LITAF: variants seen among roughly 807,000 people sequenced by gnomAD.
LITAF encodes lipopolysaccharide-induced tumor necrosis factor-alpha factor.
In LITAF, 9 loss-of-function variants were observed where a neutral mutation model predicts 14.5. The observed-to-expected ratio is 0.62, with a 90% CI of 0.37 to 1.08. The LOEUF (loss-of-function observed/expected upper bound fraction) is 1.08, where lower values mean the gene tolerates loss of function less well. Ranked by LOEUF, LITAF falls within the 50% of genes least tolerant of loss-of-function variation. The probability of loss-of-function intolerance (pLI) is 0.01; values close to 1 mark genes in which losing one functional copy is unlikely to be tolerated. For synonymous variants in LITAF, 98 were observed against 88.2 expected (o/e 1.11, Z -0.62); for missense variants, 206 against 213.4 (o/e 0.97, Z 0.22).
rs535161391 is a variant in LITAF at position 11,632,762 on chromosome 16, A to T, written c.85+771T>A. ...AGCGCAGAGTCCAGCCCCCATGCAC[A>T]TGACTATGTGGTGCCCTCAGCCCCC... On this transcript the variant is annotated intron_variant, in intron 3 of 3. Coordinates refer to the LITAF transcript ENST00000574848. The surrounding 1 kb of genome is among the most constrained non-coding windows in gnomAD (Gnocchi z 4.8). Among the ~76,000 whole-genome samples, 1 of 152,158 alleles carries T rather than the reference A, an allele frequency of 6.6e-6. No individual in the cohort carries two copies. Among genetic ancestry groups the T allele is most frequent in the Non-Finnish European group, 1.5e-5 (1 of 68,024 alleles).
chr16:11,583,897 C>G (rs1039977351), intron 1 of LITAF, among the ~76,000 whole-genome samples: 1 of 152,210 alleles, frequency 6.6e-6, no homozygotes, highest in African/African-American at 2.4e-5. Flanking sequence ...TGTGTCCATG[C>G]CTTAAGCTCT....
At chr16:11,603,596 T>A (rs745788812) in intron 3 of LITAF, among the ~76,000 whole-genome samples, 2 of 152,010 alleles carry the variant, frequency 1.3e-5, no homozygotes, top group Non-Finnish European at 2.9e-5. Context: ...CCTGGCAAGG[T>A]TTCCTAGCAG....
chr16:11,607,214 C>G (rs2064959342), intron 3 of LITAF, among the ~76,000 whole-genome samples: 1 of 152,192 alleles, frequency 6.6e-6, no homozygotes, highest in Admixed American at 6.5e-5. Flanking sequence ...GTATAGCTGC[C>G]TTGCCAAGCT....
chr16:11,608,781 G>A (rs927941547), intron 3 of LITAF, among the ~76,000 whole-genome samples: 1 of 152,100 alleles, frequency 6.6e-6, no homozygotes, highest in East Asian at 1.9e-4. Context: ...TGGCCAACAT[G>A]GTGAAACCCT....
upstream of LITAF, among the ~76,000 whole-genome samples, chr16:11,638,070 A>C (rs12445616): frequency 4.1e-4 from 49 of 119,096 alleles, 5 homozygotes; most frequent in African/African-American, 1.8e-3. Context: ...ATATATCTAT[A>C]TATATATCTA....
intron 1 of LITAF, among the ~76,000 whole-genome samples, chr16:11,594,773 G>A (rs2064872051): frequency 1.3e-5 from 2 of 152,050 alleles, no homozygotes; most frequent in Non-Finnish European, 2.9e-5. Flanking sequence ...CTTCTTGGGA[G>A]GCTGATGCAA....
At chr16:11,624,791 C>T (rs966946093) in intron 3 of LITAF, among the ~76,000 whole-genome samples, 1 of 152,200 alleles carries the variant, frequency 6.6e-6, no homozygotes, top group Non-Finnish European at 1.5e-5. Flanking sequence ...GAGTCTATTT[C>T]CTTACCCCTC....
At chr16:11,552,648 G>C (rs531180164) in intron 3 of LITAF, among the ~76,000 whole-genome samples, 12 of 152,134 alleles carry the variant, frequency 7.9e-5, no homozygotes, top group Non-Finnish European at 1.5e-4. Context: ...AAGAAAAGAC[G>C]GAAGACCAAT....
upstream of LITAF, among the ~76,000 whole-genome samples, chr16:11,639,731 A>G (rs1196428007): frequency 6.6e-6 from 1 of 152,188 alleles, no homozygotes; most frequent in East Asian, 1.9e-4. Flanking sequence ...GCAGTGGCTC[A>G]TGCCTGTAAT....
chr16:11,639,697 T>C (rs1421004528), upstream of LITAF, among the ~76,000 whole-genome samples: 3 of 144,670 alleles, frequency 2.1e-5, no homozygotes, highest in Non-Finnish European at 4.7e-5. Context: ...GATTCATCTT[T>C]AAAATAATCT....
intron 3 of LITAF, among the ~76,000 whole-genome samples, chr16:11,604,257 G>T (rs1319390627): frequency 6.6e-6 from 1 of 152,112 alleles, no homozygotes; most frequent in Non-Finnish European, 1.5e-5. Context: ...GAATATGCTT[G>T]GTGGATTTTA....
At chr16:11,609,405 G>C (rs1395471487) in intron 3 of LITAF, among the ~76,000 whole-genome samples, 1 of 151,892 alleles carries the variant, frequency 6.6e-6, no homozygotes, top group Non-Finnish European at 1.5e-5. Flanking sequence ...GTAGAGATGA[G>C]GTTTCACCAT....
intron 3 of LITAF, among the ~76,000 whole-genome samples, chr16:11,627,723 AG>A (rs1332674756): frequency 4.6e-5 from 7 of 152,242 alleles, no homozygotes; most frequent in Non-Finnish European, 1.0e-4. Flanking sequence ...GCACGCCTGT[AG>A]CCCCAGCTAC....
At chr16:11,635,314 C>T (rs1468544690) in intron 2 of LITAF, among the ~76,000 whole-genome samples, 5 of 152,194 alleles carry the variant, frequency 3.3e-5, no homozygotes, top group African/African-American at 1.2e-4. Context: ...ATGTAGATAC[C>T]AATCAACGCT....
chr16:11,623,005 G>A (rs1280535050), intron 3 of LITAF, among the ~76,000 whole-genome samples: 4 of 149,762 alleles, frequency 2.7e-5, no homozygotes, highest in Non-Finnish European at 4.4e-5. Flanking sequence ...TCGCTCTGTC[G>A]CCCAGGCTGG....
chr16:11,553,862 CA>C lies in LITAF; in HGVS notation c.221-174del. 1.5e-6 allele frequency: 1 copy of C among 675,148 alleles called. No individual in the cohort carries two copies. Among genetic ancestry groups the C allele is most frequent in the Non-Finnish European group, 2.6e-6 (1 of 387,598 alleles). 41.8% of individuals were successfully genotyped at this position (675,148 alleles called of 1,614,324 possible). Reference sequence around the variant, plus strand: ...CTATGAGAGCCAAAAGGGGAAGGAACACCAGTGTCCATCGACGGACCAATAA... The same window carrying C: ...CTATGAGAGCCAAAAGGGGAAGGAACCCAGTGTCCATCGACGGACCAATAA... On this transcript the variant is annotated intron_variant, in intron 2 of 3. Transcript: ENST00000622633. This position sits in a 1 kb window ranked among gnomAD's most constrained non-coding sequence, Gnocchi z 7.7.
chr16:11,607,487 G>A (rs1297474157), intron 3 of LITAF, among the ~76,000 whole-genome samples: 1 of 151,834 alleles, frequency 6.6e-6, no homozygotes, highest in Non-Finnish European at 1.5e-5. Context: ...AGGAAGCTCA[G>A]AGCCAAATGT....
In LITAF at chr16:11,568,683, G is replaced by GT. The variant is rs757940935; in HGVS notation, c.-5-11949dup. Among the ~76,000 whole-genome samples the GT allele has an allele frequency of 3.2e-3, 434 of 133,858 alleles. 5 individuals carry two copies. The highest frequency in any genetic ancestry group is 0.022 in the South Asian group (93 of 4,244). The allele number at this position is 133,858 out of a possible 152,430, so 87.8% of individuals were successfully genotyped here. On this transcript the variant is annotated intron_variant, in intron 1 of 3. Transcript: ENST00000622633. Reference sequence around the variant, plus strand: ...TGAAGGTACACCCTTGTTTTTTTTTGTTTTTTTTTTTTTTGAGATAGAGTC... The same window carrying GT: ...TGAAGGTACACCCTTGTTTTTTTTTGTTTTTTTTTTTTTTTGAGATAGAGTC...
upstream of LITAF, chr16:11,587,271 C>T (rs1360097858): frequency 2.4e-6 from 1 of 413,880 alleles, no homozygotes; most frequent in Non-Finnish European, 4.8e-6. Flanking sequence ...ATTTGCCGCT[C>T]GCGGCTCTCC....
Sources: allele counts gnomAD v4.1 joint callset (sites outside exome capture counted in the v4.1 genomes callset), GRCh38; gene constraint gnomAD v4.1.1; non-coding constraint Gnocchi (gnomAD v3.1); transcripts MANE v1.5; gene names NCBI Gene and HGNC (gene_info 2026-07-23, HGNC 2026-07-21).